NEGR1: variants seen among roughly 807,000 people sequenced by gnomAD.
NEGR1 encodes the protein IgLON family member 4.
In NEGR1, 10 loss-of-function variants were observed where a neutral mutation model predicts 40.9. The ratio of observed to expected loss-of-function variants is 0.24; its 90% CI spans 0.15 to 0.42. The LOEUF (loss-of-function observed/expected upper bound fraction) is 0.42, where lower values mean the gene tolerates loss of function less well. NEGR1 is among the 10% of genes least tolerant of loss of function. The pLI, the probability that NEGR1 is intolerant of heterozygous loss-of-function variation, is 1.00. For synonymous variants in NEGR1, 185 were observed against 166.8 expected (o/e 1.11, Z -0.84); for missense variants, 352 against 438.9 (o/e 0.80, Z 1.77).
intron 4 of NEGR1, among the ~76,000 whole-genome samples, chr1:71,658,618 G>T (rs1480932061): frequency 6.6e-6 from 1 of 152,026 alleles, no homozygotes; most frequent in East Asian, 1.9e-4. Flanking sequence ...TTAACATGAA[G>T]ACCCTGATTA....
rs543091790 is a variant in NEGR1 at position 71,992,433 on chromosome 1, T to G, written c.177-57122A>C. Among the ~76,000 whole-genome samples, 80 of 151,986 alleles carry G rather than the reference T, an allele frequency of 5.3e-4. 2 individuals carry two copies. The South Asian group carries it at 0.014, about 26-fold the overall frequency. ...CTAGAATGGCACTACCCAGTTGAAA[T>G]AGAATGTAAGCCACACATGTAGTTT... is the stretch of plus-strand genomic sequence containing the variant. On this transcript the variant is annotated intron_variant, in intron 1 of 6. Coordinates refer to ENST00000357731, the MANE Select transcript of NEGR1 (RefSeq NM_173808.3).
In NEGR1 at chr1:71,938,014, A is replaced by G. The variant is rs907814522; in HGVS notation, c.177-2703T>C. Among the ~76,000 whole-genome samples the G allele has an allele frequency of 3.9e-5, 6 of 152,158 alleles. 1 individual carries two copies. The South Asian group carries it at 6.2e-4, about 16-fold the overall frequency. ...GAATTCAATTTCTTCATGATGAAAA[A>G]AATGAAAAAAGGGATCATTTATGTC... is the stretch of plus-strand genomic sequence containing the variant. On this transcript the variant is annotated intron_variant, in intron 1 of 6. Transcript: ENST00000357731.
chr1:71,560,429 T>TTTTATATATATATATATA (rs1553150203), intron 6 of NEGR1, among the ~76,000 whole-genome samples: 1 of 114,266 alleles, frequency 8.8e-6, no homozygotes, highest in Non-Finnish European at 1.8e-5. Flanking sequence ...TAATTCTCCA[T>TTTTATATATATATATATA]TATATATATA....
At position 71,776,242 on chromosome 1, in the gene NEGR1, G is replaced by T; in HGVS notation, c.465C>A (p.Asn155Lys). Reference sequence around the variant, plus strand: ...CAGTGGCCAAACAAGTAAGAGTGACGTTGGTTCCTTCATTGACGGTCATAT... The same window carrying T: ...CAGTGGCCAAACAAGTAAGAGTGACTTTGGTTCCTTCATTGACGGTCATAT... ...SNDMTVNEGT[N>K]VTLTCLATGK... The change falls in exon 3 of 7, where the codon AAC (asparagine) becomes AAA (lysine). Residue 155 changes from asparagine to lysine, a missense_variant. Transcript: ENST00000357731. The T allele has an allele frequency of 6.2e-7, 1 of 1,605,554 alleles. No homozygotes were observed. Among genetic ancestry groups the T allele is most frequent in the Non-Finnish European group, 8.5e-7 (1 of 1,174,288 alleles).
At chr1:72,073,590 TAACA>T (rs1325376182) in intron 1 of NEGR1, among the ~76,000 whole-genome samples, 1 of 152,142 alleles carries the variant, frequency 6.6e-6, no homozygotes, top group African/African-American at 2.4e-5. Flanking sequence ...TTTACATTTT[TAACA>T]AACAACATAT....
At chr1:72,113,648 A>G (rs1649471192) in intron 1 of NEGR1, among the ~76,000 whole-genome samples, 1 of 151,546 alleles carries the variant, frequency 6.6e-6, no homozygotes, top group South Asian at 2.1e-4. Flanking sequence ...AGGATGGGTA[A>G]GGCTGAGGAA....
intron 2 of NEGR1, among the ~76,000 whole-genome samples, chr1:71,894,227 A>C (rs147815032): frequency 0.017 from 2,592 of 148,894 alleles, 65 homozygotes; most frequent in African/African-American, 0.061. Flanking sequence ...TATAATAATA[A>C]TAATAAAAAA....
intron 6 of NEGR1, among the ~76,000 whole-genome samples, chr1:71,530,329 T>C (rs1647314372): frequency 6.6e-6 from 1 of 151,342 alleles, no homozygotes; most frequent in Non-Finnish European, 1.5e-5. Flanking sequence ...GTAAATTATT[T>C]TCCCACCTGC....
In NEGR1 at chr1:71,813,290, T is replaced by C. The variant is rs1658071064; in HGVS notation, c.410-36993A>G. On this transcript the variant is annotated intron_variant, in intron 2 of 6. Coordinates refer to ENST00000357731, the MANE Select transcript of NEGR1 (RefSeq NM_173808.3). ...TACTCTATTCTGTTCCATTGGTCTA[T>C]GTGTCTGTTTTTGTGCCAGTACCAC... Among the ~76,000 whole-genome samples, 3 of 152,142 alleles carry C rather than the reference T, an allele frequency of 2.0e-5. No individual in the cohort carries two copies. The South Asian group carries it at 6.2e-4, about 31-fold the overall frequency.
chr1:71,813,315 C>T (rs148077518), intron 2 of NEGR1, among the ~76,000 whole-genome samples: 79 of 152,046 alleles, frequency 5.2e-4, no homozygotes, highest in Admixed American at 1.2e-3. Context: ...GCCAGTACCA[C>T]GCTGTTTTGG....
chr1:71,795,914 A>G (rs894704930), intron 2 of NEGR1, among the ~76,000 whole-genome samples: 1 of 152,128 alleles, frequency 6.6e-6, no homozygotes, highest in East Asian at 1.9e-4. Context: ...GAGCTTCTAC[A>G]ATTTAGACCA....
In NEGR1 at chr1:71,397,115, GATGGAA is replaced by G; in HGVS notation, c.*10325_*10330del. On this transcript the variant is annotated 3_prime_UTR_variant, in exon 7 of 7. Transcript: ENST00000357731. ...TAAAATCCAGGCTGAGGTGGTCTCA[GATGGAA>G]ATGAATAACTTGTTGGGAACTGGAG... 1 of 159,260 alleles carries G rather than the reference GATGGAA, an allele frequency of 6.3e-6. No homozygotes were observed. The highest frequency in any genetic ancestry group is 1.4e-5 in the Non-Finnish European group (1 of 73,834). The allele number at this position is 159,260 out of a possible 1,614,324, so 9.9% of individuals were successfully genotyped here.
chr1:71,965,751 C>T (rs1486057545), intron 1 of NEGR1, among the ~76,000 whole-genome samples: 1 of 151,956 alleles, frequency 6.6e-6, no homozygotes, highest in African/African-American at 2.4e-5. Context: ...TAGAAAGTTA[C>T]AATTAGGAAA....
chr1:72,079,371 T>C (rs1410947324), intron 1 of NEGR1, among the ~76,000 whole-genome samples: 1 of 151,986 alleles, frequency 6.6e-6, no homozygotes, highest in East Asian at 1.9e-4. Context: ...AACAGAAATA[T>C]AACACTTAAG....
At chr1:71,975,140 G>T (rs1190595125) in intron 1 of NEGR1, among the ~76,000 whole-genome samples, 2 of 152,130 alleles carry the variant, frequency 1.3e-5, no homozygotes, top group African/African-American at 4.8e-5. Flanking sequence ...TTCCAAAGAA[G>T]CACATAAAGG....
chr1:72,132,218 C>T (rs185439803), intron 1 of NEGR1, among the ~76,000 whole-genome samples: 139 of 152,214 alleles, frequency 9.1e-4, no homozygotes, highest in African/African-American at 3.2e-3. Context: ...ATCTTGATAA[C>T]GTTACTATGA....
intron 2 of NEGR1, among the ~76,000 whole-genome samples, chr1:71,814,297 G>A (rs2101766754): frequency 6.6e-6 from 1 of 152,184 alleles, no homozygotes; most frequent in Admixed American, 6.5e-5. Context: ...TTGATGTGCT[G>A]CTGGATTCAG....
intron 1 of NEGR1, among the ~76,000 whole-genome samples, chr1:71,977,821 C>CAAA (rs35650252): frequency 1.7e-4 from 21 of 122,814 alleles, no homozygotes; most frequent in African/African-American, 5.8e-4. Flanking sequence ...AAGCGCAAAA[C>CAAA]AAAAAAAAAA....
chr1:72,065,702 T>C (rs983834782), intron 1 of NEGR1, among the ~76,000 whole-genome samples: 10 of 152,092 alleles, frequency 6.6e-5, no homozygotes, highest in African/African-American at 2.2e-4. Flanking sequence ...TGAAGGTTGG[T>C]CATCATCATA....
Sources: allele counts gnomAD v4.1 joint callset (sites outside exome capture counted in the v4.1 genomes callset), GRCh38; gene constraint gnomAD v4.1.1; transcripts MANE v1.5; gene names NCBI Gene and HGNC (gene_info 2026-07-23, HGNC 2026-07-21).